Variants in ARHGAP30 observed in about 807,000 individuals in gnomAD.
The protein encoded by ARHGAP30 is rho GTPase-activating protein 30.
In ARHGAP30, 23 loss-of-function variants were observed where a neutral mutation model predicts 72.0. The observed-to-expected ratio is 0.32, with a 90% CI of 0.23 to 0.45. The LOEUF is 0.45. Among genes scored for constraint, ARHGAP30 ranks in the 20% least tolerant of loss-of-function variants. The pLI, the probability that ARHGAP30 is intolerant of heterozygous loss-of-function variation, is 1.00. For missense variants in ARHGAP30, 1,319 were observed against 1,383.4 expected (o/e 0.95, Z 0.74); for synonymous variants, 576 against 528.2 (o/e 1.09, Z -1.24).
At chr1:161,052,878 G>A (rs905806883) in intron 6 of ARHGAP30, 81 bp from the exon 7 acceptor site, 28 of 1,508,730 alleles carry the variant, frequency 1.9e-5, no homozygotes, top group South Asian at 4.9e-5. Context: ...ATCACCCCTC[G>A]CCAACTACCA....
chr1:161,058,136 A>T (rs912830550), intron 2 of ARHGAP30, among the ~76,000 whole-genome samples: 1 of 148,320 alleles, frequency 6.7e-6, no homozygotes, highest in African/African-American at 2.5e-5. Flanking sequence ...GGGCAACAAG[A>T]GTGAAACTCC....
intron 2 of ARHGAP30, among the ~76,000 whole-genome samples, chr1:161,057,806 G>A (rs1651989607): frequency 6.6e-6 from 1 of 152,104 alleles, no homozygotes; most frequent in Admixed American, 6.5e-5. Flanking sequence ...CCTGAGGTCT[G>A]GAGTTCGAGA....
At position 161,051,355 on chromosome 1, in the gene ARHGAP30, G is replaced by C. The variant is rs756703526; in HGVS notation, c.1379C>G (p.Ser460Cys). 1 of 1,612,410 alleles carries C rather than the reference G, an allele frequency of 6.2e-7. No individual in the cohort carries two copies. The highest frequency in any genetic ancestry group is 1.3e-5 in the African/African-American group (1 of 74,956). ...PALQHRPSPA[S>C]GPGPGPGLGP... is the part of the protein sequence containing the mutation. Reference sequence around the variant, plus strand: ...AAGGCCAGGGCCAGGGCCAGGGCCAGAGGCAGGGCTTGGCCGGTGCTGTAG... The same window carrying C: ...AAGGCCAGGGCCAGGGCCAGGGCCACAGGCAGGGCTTGGCCGGTGCTGTAG... Residue 460 changes from serine to cysteine, a missense_variant, in exon 10 of 12, where the codon TCT becomes TGT. Transcript: ENST00000368013.
At chr1:161,050,706 T>C (rs978969645) in intron 10 of ARHGAP30, among the ~76,000 whole-genome samples, 1 of 152,016 alleles carries the variant, frequency 6.6e-6, no homozygotes, top group Non-Finnish European at 1.5e-5. Context: ...AGTGGCGTGA[T>C]CTCGGCTCGC....
At position 161,047,577 on chromosome 1, in the gene ARHGAP30, CAAAG is replaced by C. The variant is rs1246192170; in HGVS notation, c.*134_*137del. 4.3e-6 allele frequency: 4 copies of C among 925,034 alleles called. No individual in the cohort carries two copies. The highest frequency in any genetic ancestry group is 3.3e-5 in the Admixed American group (1 of 30,088). 57.3% of individuals were successfully genotyped at this position (925,034 alleles called of 1,614,324 possible). On this transcript the variant is annotated 3_prime_UTR_variant, in exon 12 of 12. Transcript: ENST00000368013. ...CAACCAAGGCAGTGCCTCCCACAGT[CAAAG>C]AGAGAAGCTGGAGGGCCAAAGCCTA...
chr1:161,052,592 T>G (rs747873196), intron 7 of ARHGAP30, 34 bp downstream of exon 7: 1 of 1,613,928 alleles, frequency 6.2e-7, no homozygotes, highest in Admixed American at 1.7e-5. Flanking sequence ...TGAAGGTCGG[T>G]GCAGGGGAGG....
chr1:161,069,738 A>C lies in ARHGAP30; in HGVS notation c.-114T>G. 4.2e-6 allele frequency: 5 copies of C among 1,181,936 alleles called. No homozygotes were observed. The highest frequency in any genetic ancestry group is 6.0e-6 in the Non-Finnish European group (5 of 831,172). 73.2% of individuals were successfully genotyped at this position (1,181,936 alleles called of 1,614,324 possible). A position where few individuals can be genotyped will look rare whatever the true frequency, so the allele number is the denominator to read the frequency against. Reference sequence around the variant, plus strand: ...GGGCTTGGCCCGGCCCCAGGGGGGCAGGGCTCCCAATTGGGGGTGGAGGGT... The same window carrying C: ...GGGCTTGGCCCGGCCCCAGGGGGGCCGGGCTCCCAATTGGGGGTGGAGGGT... On this transcript the variant is annotated 5_prime_UTR_variant, in exon 1 of 12. Transcript: ENST00000368013. The surrounding 1 kb of genome is among the most constrained non-coding windows in gnomAD (Gnocchi z 4.9).
chr1:161,051,235 G>A (rs1651335168), intron 10 of ARHGAP30, 79 bp downstream of exon 10: 3 of 1,502,430 alleles, frequency 2.0e-6, no homozygotes, highest in Non-Finnish European at 2.6e-6. Context: ...CCCTTCCTAG[G>A]GTGGATCTTC....
Position 161,048,503 on chromosome 1 carries a change from TCTC to T in ARHGAP30, c.2515_2517del (p.Glu839del). On this transcript the variant is annotated inframe_deletion, in exon 12 of 12. Coordinates refer to ENST00000368013, the MANE Select transcript of ARHGAP30 (RefSeq NM_001025598.2). ...TCTCCCTCAGCCTCTCCATCCCCAC[TCTC>T]CCGTTCCTTGCTGACCTCCCCTGCT... 6.2e-7 allele frequency: 1 copy of T among 1,614,000 alleles called. No individual in the cohort carries two copies. Among genetic ancestry groups the T allele is most frequent in the Non-Finnish European group, 8.5e-7 (1 of 1,180,000 alleles).
intron 1 of ARHGAP30, among the ~76,000 whole-genome samples, chr1:161,068,817 C>A (rs1454691870): frequency 6.6e-6 from 1 of 152,172 alleles, no homozygotes; most frequent in East Asian, 1.9e-4. Flanking sequence ...GCTCCACACC[C>A]ACCCTCCTTT....
Position 161,048,088 on chromosome 1 carries a change from C to G in ARHGAP30, c.2933G>C (p.Arg978Thr). Reference sequence around the variant, plus strand: ...TCGAGAAGCTCGGGACCCCCAAGCCCTTTCTCCAGGAGTCCCATCAAGCCG... The same window carrying G: ...TCGAGAAGCTCGGGACCCCCAAGCCGTTTCTCCAGGAGTCCCATCAAGCCG... ...PGRLDGTPGE[R>T]AWGSRASRSS... is the part of the protein sequence containing the mutation. The change falls in exon 12 of 12, where the codon AGG (arginine) becomes ACG (threonine). Residue 978 changes from arginine (R) to threonine (T), a missense_variant. Around this residue, in one of 2 missense-constraint regions of ARHGAP30, gnomAD observed 1,097 missense variants for 1,045.2 expected, o/e 1.05. Coordinates refer to ENST00000368013, the MANE Select transcript of ARHGAP30 (RefSeq NM_001025598.2). 6.2e-7 allele frequency: 1 copy of G among 1,614,194 alleles called. No individual in the cohort carries two copies. Among genetic ancestry groups the G allele is most frequent in the Non-Finnish European group, 8.5e-7 (1 of 1,180,038 alleles).
In ARHGAP30 at chr1:161,047,776, G is replaced by A. The variant is rs370009399; in HGVS notation, c.3245C>T (p.Ser1082Phe). The change falls in exon 12 of 12, where the codon TCT (serine) becomes TTT (phenylalanine). Residue 1082 changes from serine (S) to phenylalanine (F), a missense_variant. Ser to Phe is a radical substitution (Grantham distance 155). Around this residue, in one of 2 missense-constraint regions of ARHGAP30, gnomAD observed 1,097 missense variants for 1,045.2 expected, o/e 1.05. Transcript: ENST00000368013. ...TTCAAATGCATATGACCTGCGCTGA[G>A]AGGACAACAGGGGGTCAGGAACCTG... ...EPQVPDPLLS[S>F]QRRSYAFETQ... 55 of 1,583,398 alleles carry A rather than the reference G, an allele frequency of 3.5e-5. No homozygotes were observed. In the African/African-American group the frequency reaches 6.9e-4, roughly 20 times the overall value.
chr1:161,052,008 AC>A lies in ARHGAP30; in HGVS notation c.1018+277del, dbSNP rs1557920817. Among the ~76,000 whole-genome samples the A allele has an allele frequency of 3.9e-3, 187 of 47,916 alleles. 13 individuals are homozygous for A. The highest frequency in any genetic ancestry group is 0.016 in the South Asian group (18 of 1,118). 31.4% of individuals were successfully genotyped at this position (47,916 alleles called of 152,430 possible). ...CACCACCACCACCACCACCACCACC[AC>A]CACCACCACCACCACCACCACCACC... On this transcript the variant is annotated intron_variant, in intron 9 of 11. Transcript: ENST00000368013.
rs745557256 is a variant in ARHGAP30, at chr1:161,047,765, A to G, written c.3256T>C (p.Ser1086Pro). The G allele has an allele frequency of 1.9e-6, 3 of 1,565,426 alleles. No individual in the cohort carries two copies. The South Asian group carries it at 3.7e-5, about 19-fold the overall frequency. ...PDPLLSSQRR[S>P]YAFETQANPG... ...TTAGCCTGTGTTTCAAATGCATATG[A>G]CCTGCGCTGAGAGGACAACAGGGGG... Residue 1086 changes from serine to proline, a missense_variant, in exon 12 of 12, where the codon TCA (serine) becomes CCA (proline). By Grantham distance (74) the Ser-to-Pro change is moderately conservative. Coordinates refer to ENST00000368013, the MANE Select transcript of ARHGAP30 (RefSeq NM_001025598.2).
At chr1:161,065,227 C>A (rs893171310) in intron 1 of ARHGAP30, among the ~76,000 whole-genome samples, 33 of 152,092 alleles carry the variant, frequency 2.2e-4, no homozygotes, top group African/African-American at 7.7e-4. Context: ...CTGCCTGCCT[C>A]GGCCTCCTAA....
At position 161,069,558 on chromosome 1, in the gene ARHGAP30, GC is replaced by G; in HGVS notation, c.66del (p.Leu22PhefsTer16). Reference protein sequence around the residue: ...SAKERVFGCDLQEHLQHSGQE... With the variant: ...SAKERVFGCDXQEHLQHSGQE... ...TGGCCTGAGTGCTGCAGGTGCTCCT[GC>G]AAGTCGCACCCAAAAACCCGCTCCT... On this transcript the variant is annotated frameshift_variant, in exon 1 of 12. Transcript: ENST00000368013. LOFTEE classifies it high-confidence loss of function. The surrounding 1 kb of genome is among the most constrained non-coding windows in gnomAD (Gnocchi z 4.9). 2 of 1,611,216 alleles carry G rather than the reference GC, an allele frequency of 1.2e-6. No homozygotes were observed. The highest frequency in any genetic ancestry group is 1.7e-6 in the Non-Finnish European group (2 of 1,179,984).
chr1:161,055,360 G>T (rs1298422954), intron 3 of ARHGAP30, among the ~76,000 whole-genome samples: 3 of 152,126 alleles, frequency 2.0e-5, no homozygotes, highest in Admixed American at 2.0e-4. Flanking sequence ...AGGCATGGTG[G>T]TGCACGCCTG....
rs1180712671 is a variant in ARHGAP30, at chr1:161,056,425, T to C, written c.308A>G (p.Asp103Gly). The C allele has an allele frequency of 6.2e-7, 1 of 1,613,902 alleles. No homozygotes were observed. The highest frequency in any genetic ancestry group is 1.3e-5 in the African/African-American group (1 of 74,934). ...LCKAYFRELPDPLLTYRLYDK... is the reference protein window; with the variant it reads ...LCKAYFRELPGPLLTYRLYDK... The stretch of plus-strand genomic sequence containing the variant: ...ATAGAGCCGGTAAGTGAGCAGGGGA[T>C]CCGGCAGTTCTCTGAAATAGGCCTT... The change falls in exon 3 of 12, where the codon GAT (aspartate) becomes GGT (glycine). Residue 103 changes from aspartate to glycine, a missense_variant. Asp to Gly is a moderately conservative substitution (Grantham distance 94). This residue lies in a region of ARHGAP30 where 222 missense variants were observed against 338.2 expected (regional missense o/e 0.66). Transcript: ENST00000368013.
rs868717055 is a variant in ARHGAP30, at chr1:161,047,523, C to A, written c.*192G>T. The A allele has an allele frequency of 1.1e-4, 50 of 460,702 alleles. No homozygotes were observed. The Middle Eastern group carries it at 2.3e-3, about 21-fold the overall frequency. The allele number at this position is 460,702 out of a possible 1,614,324, so 28.5% of individuals were successfully genotyped here. A position where few individuals can be genotyped will look rare whatever the true frequency, so the allele number is the denominator to read the frequency against. On this transcript the variant is annotated 3_prime_UTR_variant, in exon 12 of 12. Coordinates refer to ENST00000368013, the MANE Select transcript of ARHGAP30 (RefSeq NM_001025598.2). ...TTGGGAATCTCCTAAGAGATAAGTGCTTTGTGTCGGAGACAAGTTCAGGTA... is the reference window on the plus strand; with the variant it reads ...TTGGGAATCTCCTAAGAGATAAGTGATTTGTGTCGGAGACAAGTTCAGGTA...
Sources: gnomAD v4.1 joint callset for allele counts (sites outside exome capture counted in the v4.1 genomes callset) on GRCh38, gnomAD v4.1.1 for gene constraint, gnomAD v4.1.1 regional missense constraint, Gnocchi (gnomAD v3.1) non-coding constraint, MANE v1.5 for transcripts, NCBI Gene and HGNC (gene_info 2026-07-23, HGNC 2026-07-21) for gene names.